PTPRT: variants seen among roughly 807,000 people sequenced by gnomAD.
PTPRT encodes protein tyrosine phosphatase receptor type T, also known as receptor-type tyrosine-protein phosphatase T.
PTPRT carries 56 observed loss-of-function variants against 176.8 expected under a neutral mutation model. The observed-to-expected ratio is 0.32, with a 90% CI of 0.26 to 0.40. PTPRT has a LOEUF of 0.40. PTPRT is among the 10% of genes least tolerant of loss of function. PTPRT has a pLI of 1.00. For missense variants in PTPRT, 1,540 were observed against 1,908.2 expected, an observed-to-expected ratio of 0.81 and a Z score of 3.60; for synonymous variants, 783 against 739.0, an observed-to-expected ratio of 1.06 and a Z score of -0.96.
chr20:42,228,534 T>C (rs2146823657), intron 15 of PTPRT, among the ~76,000 whole-genome samples: 1 of 152,370 alleles, frequency 6.6e-6, no homozygotes, highest in African/African-American at 2.4e-5. Flanking sequence ...AATTGTGTCA[T>C]GCAAGTACCA....
chr20:42,498,106 T>C (rs577244007), intron 7 of PTPRT, among the ~76,000 whole-genome samples: 78 of 152,282 alleles, frequency 5.1e-4, no homozygotes, highest in African/African-American at 1.8e-3. Flanking sequence ...CCAAACATGA[T>C]GAAAAATACA....
intron 1 of PTPRT, among the ~76,000 whole-genome samples, chr20:42,892,719 GGA>G (rs2145890476): frequency 6.6e-6 from 1 of 152,258 alleles, no homozygotes; most frequent in East Asian, 1.9e-4. Context: ...GATTCTTGGG[GGA>G]GACGTCAGCA....
intron 9 of PTPRT, among the ~76,000 whole-genome samples, chr20:42,373,264 G>T (rs1342565832): frequency 6.6e-6 from 1 of 152,200 alleles, no homozygotes; most frequent in African/African-American, 2.4e-5. Context: ...CTGCCAGGCT[G>T]GGCTCTGGCT....
At chr20:42,110,244 G>T (rs2146289316) in intron 23 of PTPRT, 89 bp downstream of exon 23, 1 of 1,265,772 alleles carries the variant, frequency 7.9e-7, no homozygotes, top group Admixed American at 2.5e-5. Context: ...TAGAGACGAG[G>T]TTTCACCACG....
intron 1 of PTPRT, among the ~76,000 whole-genome samples, chr20:43,009,476 G>A (rs1289579372): frequency 6.6e-6 from 1 of 152,136 alleles, no homozygotes; most frequent in Non-Finnish European, 1.5e-5. Context: ...CAGGCAAAAA[G>A]GAGGTTCCAG....
At chr20:42,968,153 A>G (rs1045505608) in intron 1 of PTPRT, among the ~76,000 whole-genome samples, 3 of 151,984 alleles carry the variant, frequency 2.0e-5, no homozygotes, top group African/African-American at 7.2e-5. Context: ...ATCCTTTTTG[A>G]GGACTTCCTT....
chr20:42,614,487 C>G (rs1225027061), intron 7 of PTPRT, among the ~76,000 whole-genome samples: 2 of 152,150 alleles, frequency 1.3e-5, no homozygotes, highest in East Asian at 3.9e-4. Flanking sequence ...ACTGTACAAT[C>G]TCCAAGTGAT....
chr20:42,044,957 C>A, the PTPRT span, among the ~76,000 whole-genome samples: 1 of 152,146 alleles, frequency 6.6e-6, no homozygotes, highest in African/African-American at 2.4e-5. Context: ...GGCTTATTGC[C>A]CCTTCTGCCT....
chr20:42,652,856 C>A (rs1351784534), intron 7 of PTPRT, among the ~76,000 whole-genome samples: 1 of 152,106 alleles, frequency 6.6e-6, no homozygotes, highest in Non-Finnish European at 1.5e-5. Context: ...CAGACCTAAC[C>A]CTAAGGACCT....
At chr20:42,859,058 C>T (rs899081439) in intron 2 of PTPRT, among the ~76,000 whole-genome samples, 2 of 152,184 alleles carry the variant, frequency 1.3e-5, no homozygotes, top group East Asian at 1.9e-4. Context: ...TGAGCTGCAG[C>T]GTCAGGAGAA....
rs767338843 is a variant in PTPRT at position 42,472,558 on chromosome 20, C to A, written c.1158G>T (p.Pro386=). ...TTTCCACGTTCTGTGGGCCATGTAC[C>A]GGATCTGCAAAACATGCAGGCAAGA... ...PLTTRTKCAD[P]VHGPQNVEIV... The change falls in exon 8 of 31, where the codon CCG becomes CCT. Residue 386 remains proline (P), a synonymous_variant. Coordinates refer to ENST00000373187, the MANE Select transcript of PTPRT (RefSeq NM_007050.6). The A allele has an allele frequency of 6.2e-7, 1 of 1,613,390 alleles. No homozygotes were observed. Among genetic ancestry groups the A allele is most frequent in the Non-Finnish European group, 8.5e-7 (1 of 1,179,844 alleles).
intron 1 of PTPRT, among the ~76,000 whole-genome samples, chr20:42,937,663 C>T (rs1479518758): frequency 2.6e-5 from 4 of 152,230 alleles, no homozygotes; most frequent in Admixed American, 2.6e-4. Flanking sequence ...AGCAGCTCTT[C>T]AATCTTCATT....
chr20:42,324,391 A>G (rs908846067), intron 11 of PTPRT, among the ~76,000 whole-genome samples: 3 of 152,186 alleles, frequency 2.0e-5, no homozygotes, highest in Admixed American at 2.0e-4. Context: ...TCAATTGTAC[A>G]TGGGCATAGG....
intron 1 of PTPRT, among the ~76,000 whole-genome samples, chr20:42,973,197 G>A (rs969081997): frequency 1.3e-5 from 2 of 151,986 alleles, no homozygotes; most frequent in East Asian, 1.9e-4. Context: ...ATGAGGAATC[G>A]TGGATACCAC....
intron 12 of PTPRT, among the ~76,000 whole-genome samples, chr20:42,306,830 T>C (rs1396557238): frequency 6.6e-6 from 1 of 152,140 alleles, no homozygotes; most frequent in Non-Finnish European, 1.5e-5. Context: ...GTTACTAAAA[T>C]CCCTCCTTCA....
rs554198953 is a variant in PTPRT at position 42,635,934 on chromosome 20, T to C, written c.1153+41932A>G. Among the ~76,000 whole-genome samples the C allele has an allele frequency of 2.4e-3, 362 of 152,280 alleles. 2 individuals carry two copies. Among genetic ancestry groups the C allele is most frequent in the African/African-American group, 8.4e-3 (347 of 41,550 alleles). On this transcript the variant is annotated intron_variant, in intron 7 of 30. Transcript: ENST00000373187. ...AGGACTTGCATACAGTGTAGTTATA[T>C]ATAACTCATAAGAACTAATTATTAA...
intron 7 of PTPRT, among the ~76,000 whole-genome samples, chr20:42,502,405 AACACACACAC>A (rs11467404): frequency 0.09 from 12,355 of 137,358 alleles, 1,186 homozygotes; most frequent in African/African-American, 0.24. Flanking sequence ...TATGTATACA[AACACACACAC>A]ACACACACAC....
chr20:42,287,371 A>G (rs1054785565), intron 12 of PTPRT, among the ~76,000 whole-genome samples: 14 of 152,022 alleles, frequency 9.2e-5, no homozygotes, highest in African/African-American at 3.1e-4. Flanking sequence ...AATGTGGTAT[A>G]TATACAACAA....
chr20:43,147,835 C>T (rs1052106414), intron 1 of PTPRT, among the ~76,000 whole-genome samples: 2 of 152,138 alleles, frequency 1.3e-5, no homozygotes, highest in Non-Finnish European at 2.9e-5. Flanking sequence ...TCCAAGGTGC[C>T]TTCGGCTGAA....
Sources: gnomAD v4.1 joint callset for allele counts (sites outside exome capture counted in the v4.1 genomes callset) on GRCh38, gnomAD v4.1.1 for gene constraint, MANE v1.5 for transcripts, NCBI Gene and HGNC (gene_info 2026-07-23, HGNC 2026-07-21) for gene names.